TMBIM1: variants seen among roughly 807,000 people sequenced by gnomAD.
TMBIM1 encodes transmembrane BAX inhibitor motif containing 1, also known as protein lifeguard 3.
TMBIM1 carries 34 observed loss-of-function variants against 45.1 expected under a neutral mutation model. The ratio of observed to expected loss-of-function variants is 0.75; its 90% CI spans 0.57 to 1.00. The LOEUF (loss-of-function observed/expected upper bound fraction) is 1.00, where lower values mean the gene tolerates loss of function less well. TMBIM1 is among the 50% of genes least tolerant of loss of function. TMBIM1 has a pLI of 0.00. For missense variants in TMBIM1, 374 were observed against 402.4 expected (o/e 0.93, Z 0.60); for synonymous variants, 157 against 153.5 (o/e 1.02, Z -0.17).
intron 2 of TMBIM1, among the ~76,000 whole-genome samples, chr2:218,281,699 C>T (rs1281638747): frequency 5.3e-5 from 8 of 152,106 alleles, no homozygotes; most frequent in South Asian, 4.1e-4. Flanking sequence ...GTGGTGTGTA[C>T]GTTCTGGGAC....
Position 218,276,525 on chromosome 2 carries a change from C to T in TMBIM1, c.736-446G>A, listed in dbSNP as rs75845354. Among the ~76,000 whole-genome samples the T allele has an allele frequency of 6.3e-3, 960 of 152,272 alleles. 6 individuals are homozygous for T. Among genetic ancestry groups the T allele is most frequent in the African/African-American group, 0.02 (842 of 41,544 alleles). ...CCCACATGACATGCCCACAGGTGGC[C>T]GTCCACAGAAGGACAGAGCTGGCCC... is the stretch of plus-strand genomic sequence containing the variant. On this transcript the variant is annotated intron_variant, in intron 10 of 11. Transcript: ENST00000258412.
intron 9 of TMBIM1, 129 bp downstream of exon 9, chr2:218,277,236 GA>G: frequency 8.6e-7 from 1 of 1,163,038 alleles, no homozygotes; most frequent in East Asian, 2.3e-5. Context: ...ACAGAAACAG[GA>G]CACAGTTTTG....
Position 218,288,346 on chromosome 2 carries a change from A to G in TMBIM1, c.-41+4120T>C, listed in dbSNP as rs529330810. Among the ~76,000 whole-genome samples the G allele has an allele frequency of 7.2e-4, 110 of 152,178 alleles. 2 individuals carry two copies. In the South Asian group the frequency reaches 0.02, roughly 27 times the overall value. On this transcript the variant is annotated intron_variant, in intron 1 of 11. Transcript: ENST00000258412. ...CGGGAGGCTGAGGCAGAAGAATGGC[A>G]TGAACCCGGGAGGCGGAGCTTGCAG... is the stretch of plus-strand genomic sequence containing the variant.
chr2:218,279,196 C>A, intron 4 of TMBIM1, 93 bp downstream of exon 4: 1 of 1,571,076 alleles, frequency 6.4e-7, no homozygotes, highest in Non-Finnish European at 8.7e-7. Flanking sequence ...CCATGGTCAC[C>A]CTGAGAGCAG....
At chr2:218,277,516 A>G in intron 8 of TMBIM1, 63 bp from the exon 9 acceptor site, 1 of 1,607,744 alleles carries the variant, frequency 6.2e-7, no homozygotes, top group Non-Finnish European at 8.5e-7. Flanking sequence ...CTTCAAAATC[A>G]CCACTTCCAG....
rs753686541 is a variant in TMBIM1 at position 218,279,361 on chromosome 2, C to CA, written c.304-9dup. 1.3e-6 allele frequency: 2 copies of CA among 1,562,858 alleles called. No individual in the cohort carries two copies. The highest frequency in any genetic ancestry group is 1.7e-6 in the Non-Finnish European group (2 of 1,155,710). ...GGAGATGATGGAGTAAACCTGGACA[C>CA]AGACGGCCGGGCATGGGTCACCATC... On this transcript the variant is annotated splice_polypyrimidine_tract_variant and intron_variant, in intron 3 of 11. Transcript: ENST00000258412.
intron 2 of TMBIM1, chr2:218,280,332 G>C: frequency 1.9e-6 from 1 of 523,090 alleles, no homozygotes; most frequent in South Asian, 2.0e-5. Flanking sequence ...GGTGGGAAAC[G>C]TTCCTCACGT....
chr2:218,290,612 A>C (rs1692870866), intron 1 of TMBIM1, among the ~76,000 whole-genome samples: 1 of 152,142 alleles, frequency 6.6e-6, no homozygotes, highest in Admixed American at 6.5e-5. Flanking sequence ...TCCAGCTACC[A>C]CAGAACCAGG....
In TMBIM1 at chr2:218,279,081, T is replaced by C. The variant is rs750235965; in HGVS notation, c.379A>G (p.Ser127Gly). Residue 127 changes from serine (S) to glycine (G), a missense_variant, in exon 5 of 12, where the codon AGC becomes GGC. Physicochemically the swap from Ser to Gly is moderately conservative, Grantham distance 56 (BLOSUM62 0). Transcript: ENST00000258412. ...GCCACATTTCTCCTCACAAAGGCGCTGACAGGTTCCCTGTGGGGCACAGGA... is the reference window on the plus strand; with the variant it reads ...GCCACATTTCTCCTCACAAAGGCGCCGACAGGTTCCCTGTGGGGCACAGGA... ...IAIFTFVEPV[S>G]AFVRRNVAVY... 6.2e-7 allele frequency: 1 copy of C among 1,614,002 alleles called. No individual in the cohort carries two copies. The highest frequency in any genetic ancestry group is 1.3e-5 in the African/African-American group (1 of 74,916).
At chr2:218,289,251 T>C (rs907293759) in intron 1 of TMBIM1, among the ~76,000 whole-genome samples, 3 of 7,152 alleles carry the variant, frequency 4.2e-4, no homozygotes, top group African/African-American at 4.9e-4. Context: ...GGCTAGGAGG[T>C]GGGGACCTGA....
Position 218,292,487 on chromosome 2 carries a change from G to A in TMBIM1, c.-62C>T, listed in dbSNP as rs1217135085. 1 of 152,188 alleles carries A rather than the reference G, an allele frequency of 6.6e-6. No homozygotes were observed. Among genetic ancestry groups the A allele is most frequent in the African/African-American group, 2.4e-5 (1 of 41,444 alleles). The allele number at this position is 152,188 out of a possible 1,614,324, so 9.4% of individuals were successfully genotyped here. On this transcript the variant is annotated 5_prime_UTR_variant, in exon 1 of 12. In the 5' UTR this introduces an upstream ATG that the reference lacks. Transcript: ENST00000258412. ...TTGCCTGCGCCGTTCCAGACGGAGC[G>A]TTCCTGGCCTCGGAGTGTTGCAAGT...
Position 218,276,069 on chromosome 2 carries a change from A to G in TMBIM1, c.746T>C (p.Leu249Pro). The G allele has an allele frequency of 6.2e-7, 1 of 1,613,138 alleles. No individual in the cohort carries two copies. Among genetic ancestry groups the G allele is most frequent in the South Asian group, 1.1e-5 (1 of 90,680 alleles). ...CCCCAGAGCAGCATAGAGCATGTGGAGCCAGTAAACCTGGAGAAGAAGGGG... is the reference window on the plus strand; with the variant it reads ...CCCCAGAGCAGCATAGAGCATGTGGGGCCAGTAAACCTGGAGAAGAAGGGG... The part of the protein sequence containing the change: ...IVLYFQYVYW[L>P]HMLYAALGAI... The change falls in exon 11 of 12, where the codon CTC (leucine) becomes CCC (proline). Residue 249 changes from leucine to proline, a missense_variant. Coordinates refer to ENST00000258412, the MANE Select transcript of TMBIM1 (RefSeq NM_022152.6).
At chr2:218,285,682 A>G (rs1291398558) in intron 1 of TMBIM1, 2 of 152,384 alleles carry the variant, frequency 1.3e-5, no homozygotes, top group Non-Finnish European at 2.9e-5. Context: ...CTAGCTGTCT[A>G]CATAGAGAGA....
chr2:218,278,038 A>G (rs2106194752), intron 6 of TMBIM1, 64 bp from the exon 7 acceptor site: 5 of 1,576,202 alleles, frequency 3.2e-6, no homozygotes, highest in Admixed American at 3.4e-5. Flanking sequence ...AGGCTCCTAC[A>G]GCAGAAGGAA....
chr2:218,286,767 A>C (rs945496614), intron 1 of TMBIM1: 10 of 152,226 alleles, frequency 6.6e-5, no homozygotes, highest in African/African-American at 2.4e-4. Context: ...CAGCAAGAGG[A>C]GAGTATGTGT....
At chr2:218,276,268 G>C (rs182098016) in intron 10 of TMBIM1, among the ~76,000 whole-genome samples, 189 bp from the exon 11 acceptor site, 3 of 152,306 alleles carry the variant, frequency 2.0e-5, no homozygotes. Context: ...AGAGAAAGCA[G>C]AGGCCATCCT....
chr2:218,277,946 G>A lies in TMBIM1; in HGVS notation c.502C>T (p.Leu168=). ...CCTTCTAGACTTACAAAAAGGGTCAGCAGAATGATGTTCCATGGGAAACGG... is the reference window on the plus strand; with the variant it reads ...CCTTCTAGACTTACAAAAAGGGTCAACAGAATGATGTTCCATGGGAAACGG... The part of the protein sequence containing the change: ...RRRFPWNIIL[L]TLFTFAMGFM... The change falls in exon 7 of 12, where the codon CTG becomes TTG. Residue 168 remains leucine, a synonymous_variant. Transcript: ENST00000258412. 6.2e-7 allele frequency: 1 copy of A among 1,614,204 alleles called. No individual in the cohort carries two copies. The highest frequency in any genetic ancestry group is 8.5e-7 in the Non-Finnish European group (1 of 1,180,038).
At chr2:218,281,591 G>A (rs1159379480) in intron 2 of TMBIM1, among the ~76,000 whole-genome samples, 1 of 152,220 alleles carries the variant, frequency 6.6e-6, no homozygotes, top group Non-Finnish European at 1.5e-5. Flanking sequence ...GACAGGTCTG[G>A]GAGGTGGCAG....
intron 6 of TMBIM1, 76 bp from the exon 7 acceptor site, chr2:218,278,050 C>T (rs6707559): frequency 0.6 from 924,954 of 1,537,994 alleles, 278,775 homozygotes; most frequent in South Asian, 0.65. Context: ...CAGAAGGAAG[C>T]GCTTGGCTCC....
Sources: allele counts gnomAD v4.1 joint callset (sites outside exome capture counted in the v4.1 genomes callset), GRCh38; gene constraint gnomAD v4.1.1; transcripts MANE v1.5; gene names NCBI Gene and HGNC (gene_info 2026-07-23, HGNC 2026-07-21).